SV2C: variants seen among roughly 807,000 people sequenced by gnomAD.
SV2C encodes solute carrier family 22 member B3.
SV2C carries 49 observed loss-of-function variants against 79.7 expected under a neutral mutation model. The ratio of observed to expected loss-of-function variants is 0.61; its 90% CI spans 0.49 to 0.78. SV2C has a LOEUF of 0.78. SV2C is among the 30% of genes least tolerant of loss of function. The pLI is 0.00. For missense variants in SV2C, 833 were observed against 912.9 expected (o/e 0.91, Z 1.13); for synonymous variants, 334 against 333.2 (o/e 1.00, Z -0.03).
the SV2C span, among the ~76,000 whole-genome samples, chr5:75,932,975 G>T: frequency 6.6e-6 from 1 of 152,054 alleles, no homozygotes; most frequent in African/African-American, 2.4e-5. Context: ...TATACTTCTG[G>T]CTCCATCCTG....
the SV2C span, among the ~76,000 whole-genome samples, chr5:76,069,339 C>G: frequency 1.3e-5 from 2 of 152,190 alleles, no homozygotes; most frequent in Non-Finnish European, 2.9e-5. Flanking sequence ...CCTCTCATCT[C>G]AATGAGGCTG....
At chr5:75,962,726 T>G in the SV2C span, among the ~76,000 whole-genome samples, 2 of 152,206 alleles carry the variant, frequency 1.3e-5, no homozygotes, top group African/African-American at 4.8e-5. Context: ...ACCCTGGACA[T>G]GGGATGTATT....
chr5:76,001,352 G>C, the SV2C span, among the ~76,000 whole-genome samples: 70,157 of 152,034 alleles, frequency 0.46, 17,027 homozygotes, highest in Middle Eastern at 0.62. Flanking sequence ...TGTAATCCCA[G>C]CACTTTGGGA....
chr5:75,872,045 TCATATATATTTATATATA>T, the SV2C span, among the ~76,000 whole-genome samples: 13 of 146,810 alleles, frequency 8.9e-5, 1 homozygote, highest in Admixed American at 8.9e-4. Flanking sequence ...AACAAAACTA[TCATATATATTTATATATA>T]CATATATATG....
At chr5:76,222,984 C>T (rs181723256) in intron 4 of SV2C, among the ~76,000 whole-genome samples, 72 of 152,200 alleles carry the variant, frequency 4.7e-4, no homozygotes, top group African/African-American at 1.6e-3. Flanking sequence ...AGCTAAGAAA[C>T]TTCTCCAGAG....
chr5:76,133,413 G>A (rs188868121), intron 2 of SV2C, among the ~76,000 whole-genome samples: 26 of 152,266 alleles, frequency 1.7e-4, no homozygotes, highest in Admixed American at 9.8e-4. Flanking sequence ...TTATCATTGA[G>A]GCTGAGAAAT....
Position 76,325,416 on chromosome 5 carries a change from G to C in SV2C, c.2053G>C (p.Gly685Arg). 6.2e-7 allele frequency: 1 copy of C among 1,614,156 alleles called. No homozygotes were observed. Among genetic ancestry groups the C allele is most frequent in the Non-Finnish European group, 8.5e-7 (1 of 1,180,042 alleles). The change falls in exon 13 of 13, where the codon GGA (glycine) becomes CGA (arginine). Residue 685 changes from glycine to arginine, a missense_variant. Physicochemically the swap from Gly to Arg is moderately radical, Grantham distance 125 (BLOSUM62 -2). Coordinates refer to ENST00000502798, the MANE Select transcript of SV2C (RefSeq NM_014979.4). The stretch of plus-strand genomic sequence containing the variant: ...GCTATGCAAGGCAGCAGCCGTCCTG[G>C]GAAACTTAATATTTGGCTCTCTGGT... ...NALCKAAAVLGNLIFGSLVSI... is the reference protein window; with the variant it reads ...NALCKAAAVLRNLIFGSLVSI...
the SV2C span, among the ~76,000 whole-genome samples, chr5:75,932,666 TC>T: frequency 1.3e-5 from 2 of 152,346 alleles, no homozygotes; most frequent in Non-Finnish European, 2.9e-5. Context: ...CACAGGCTGC[TC>T]CTGCTATTGT....
the SV2C span, among the ~76,000 whole-genome samples, chr5:76,060,807 A>G: frequency 8.5e-5 from 13 of 152,068 alleles, no homozygotes; most frequent in African/African-American, 2.7e-4. Context: ...CTTTTAGCCT[A>G]TATCTCAGCT....
intron 12 of SV2C, among the ~76,000 whole-genome samples, chr5:76,351,215 G>C (rs1364684181): frequency 2.0e-5 from 3 of 152,152 alleles, no homozygotes; most frequent in Non-Finnish European, 4.4e-5. Context: ...TTAAGCTGAG[G>C]TAGAAGAGTC....
the SV2C span, among the ~76,000 whole-genome samples, chr5:75,922,438 AAAAGT>A: frequency 7.0e-3 from 1,068 of 152,342 alleles, 6 homozygotes; most frequent in Middle Eastern, 0.037. Flanking sequence ...ACAACTCATA[AAAAGT>A]AAAGTAAGAA....
chr5:75,857,196 A>T, the SV2C span, among the ~76,000 whole-genome samples: 12 of 151,984 alleles, frequency 7.9e-5, no homozygotes, highest in Non-Finnish European at 1.6e-4. Flanking sequence ...TGACATTGTG[A>T]TCCGCCTGCC....
At position 76,295,398 on chromosome 5, in the gene SV2C, C is replaced by G. The variant is rs776579497; in HGVS notation, c.1338-380C>G. On this transcript the variant is annotated intron_variant, in intron 8 of 12. Transcript: ENST00000502798. ...GTCTCTGCCCTCATAACTTAATCAC[C>G]TCCTAAAGCCCCCACCTCTAATATT... 3.0e-4 allele frequency among the ~76,000 whole-genome samples: 45 copies of G among 152,134 alleles called. 1 individual carries two copies. The highest frequency in any genetic ancestry group is 6.5e-5 in the Admixed American group (1 of 15,272).
At chr5:76,044,100 C>T in the SV2C span, among the ~76,000 whole-genome samples, 1 of 152,144 alleles carries the variant, frequency 6.6e-6, no homozygotes, top group Non-Finnish European at 1.5e-5. Context: ...GTGTTGTTCC[C>T]CTCCCTGTGT....
At chr5:75,935,459 C>T in the SV2C span, among the ~76,000 whole-genome samples, 2 of 151,914 alleles carry the variant, frequency 1.3e-5, no homozygotes, top group Non-Finnish European at 2.9e-5. Context: ...TAGTCACACG[C>T]ACAGTGATTT....
At chr5:75,875,386 G>T in the SV2C span, among the ~76,000 whole-genome samples, 5 of 152,072 alleles carry the variant, frequency 3.3e-5, no homozygotes, top group Non-Finnish European at 7.4e-5. Context: ...ATGTGCAGAA[G>T]ATTGAAGCTG....
chr5:75,879,543 T>C, the SV2C span, among the ~76,000 whole-genome samples: 2 of 152,208 alleles, frequency 1.3e-5, no homozygotes, highest in Non-Finnish European at 2.9e-5. Context: ...ATGTTCCATA[T>C]TTAGGGCACA....
the SV2C span, among the ~76,000 whole-genome samples, chr5:75,963,774 C>T: frequency 6.6e-6 from 1 of 152,078 alleles, no homozygotes; most frequent in African/African-American, 2.4e-5. Flanking sequence ...TCTGTTCTCT[C>T]TTCCTGGAAT....
At chr5:76,180,902 C>T (rs4704286) in intron 2 of SV2C, among the ~76,000 whole-genome samples, 104,740 of 152,058 alleles carry the variant, frequency 0.69, 37,120 homozygotes, top group East Asian at 0.91. Context: ...TAAATGTCAC[C>T]ATCCTCAAGG....
Sources: allele counts gnomAD v4.1 joint callset (sites outside exome capture counted in the v4.1 genomes callset), GRCh38; gene constraint gnomAD v4.1.1; transcripts MANE v1.5; gene names NCBI Gene and HGNC (gene_info 2026-07-23, HGNC 2026-07-21).